Variants in IL1RAP observed in about 807,000 individuals in gnomAD.
IL1RAP encodes interleukin-1 receptor accessory protein.
IL1RAP carries 35 observed loss-of-function variants against 60.7 expected under a neutral mutation model. The observed-to-expected ratio is 0.58, with a 90% CI of 0.44 to 0.76. IL1RAP has a LOEUF of 0.76. Among genes scored for constraint, IL1RAP ranks in the 30% least tolerant of loss-of-function variants. The pLI, the probability that IL1RAP is intolerant of heterozygous loss-of-function variation, is 0.00. For missense variants in IL1RAP, 572 were observed against 693.9 expected, an observed-to-expected ratio of 0.82 and a Z score of 1.97; for synonymous variants, 268 against 250.9, an observed-to-expected ratio of 1.07 and a Z score of -0.64.
intron 7 of IL1RAP, among the ~76,000 whole-genome samples, chr3:190,626,516 G>T (rs1477968011): frequency 6.6e-6 from 1 of 152,070 alleles, no homozygotes; most frequent in Non-Finnish European, 1.5e-5. Flanking sequence ...TCCTCAGCCA[G>T]ATCTCTCTGT....
intron 9 of IL1RAP, among the ~76,000 whole-genome samples, chr3:190,637,363 T>C (rs940163187): frequency 6.6e-6 from 1 of 152,158 alleles, no homozygotes; most frequent in African/African-American, 2.4e-5. Flanking sequence ...ATTTCAAAAC[T>C]TTACTAAGAA....
chr3:190,523,366 T>A (rs1722246067), intron 1 of IL1RAP, among the ~76,000 whole-genome samples: 1 of 152,152 alleles, frequency 6.6e-6, no homozygotes, highest in South Asian at 2.1e-4. Flanking sequence ...AGTCTATTTT[T>A]AAAATTTAAC....
chr3:190,551,553 A>G (rs1011949310), intron 1 of IL1RAP, among the ~76,000 whole-genome samples: 5 of 152,236 alleles, frequency 3.3e-5, no homozygotes, highest in Admixed American at 2.6e-4. Flanking sequence ...CAATATTCCA[A>G]GTAAAAGTTG....
chr3:190,604,032 A>C lies in IL1RAP; in HGVS notation c.65-96A>C, dbSNP rs1392207896. 5 of 1,258,940 alleles carry C rather than the reference A, an allele frequency of 4.0e-6. No individual in the cohort carries two copies. In the African/African-American group the frequency reaches 6.0e-5, roughly 15 times the overall value. The allele number at this position is 1,258,940 out of a possible 1,614,324, so 78.0% of individuals were successfully genotyped here. A position where few individuals can be genotyped will look rare whatever the true frequency, so the allele number is the denominator to read the frequency against. ...AGATGACCAGAGAAAGAGGTTCTGG[A>C]AAAGACCGGGTGAACTGAGGAGAAG... On this transcript the variant is annotated intron_variant, in intron 3 of 11. Transcript: ENST00000447382.
intron 1 of IL1RAP, among the ~76,000 whole-genome samples, chr3:190,534,474 G>A (rs1250150530): frequency 1.3e-5 from 2 of 152,110 alleles, no homozygotes; most frequent in Non-Finnish European, 1.5e-5. Flanking sequence ...TTAGAGATCC[G>A]ATCCAGTGCT....
chr3:190,536,112 CT>C (rs1285271600), intron 1 of IL1RAP, among the ~76,000 whole-genome samples: 2 of 152,038 alleles, frequency 1.3e-5, no homozygotes, highest in Admixed American at 6.5e-5. Flanking sequence ...TGTTGGGTTT[CT>C]TTTCTTGTTG....
At chr3:190,656,637 TCTCTACCAACC>T in exon 12 of IL1RAP, 1 of 1,305,130 alleles carries the variant, frequency 7.7e-7, no homozygotes, top group Non-Finnish European at 1.0e-6. Flanking sequence ...GTGGCTACTA[TCTCTACCAACC>T]CTCTGTATGT....
At chr3:190,580,120 C>T (rs1727860968) in intron 3 of IL1RAP, among the ~76,000 whole-genome samples, 2 of 152,164 alleles carry the variant, frequency 1.3e-5, no homozygotes. Flanking sequence ...ATCAAGGTAA[C>T]TCTATGCTTA....
chr3:190,576,383 T>TACAC (rs34872356), intron 3 of IL1RAP, among the ~76,000 whole-genome samples: 230 of 151,408 alleles, frequency 1.5e-3, no homozygotes, highest in Middle Eastern at 6.8e-3. Context: ...TATATATATA[T>TACAC]ACACACACAC....
downstream of IL1RAP, chr3:190,656,453 G>A: frequency 6.5e-7 from 1 of 1,537,212 alleles, no homozygotes; most frequent in South Asian, 1.2e-5. Context: ...CAGCCCCAGT[G>A]GGAGACACAC....
intron 3 of IL1RAP, among the ~76,000 whole-genome samples, chr3:190,592,292 G>T (rs1295933101): frequency 6.6e-6 from 1 of 152,198 alleles, no homozygotes; most frequent in African/African-American, 2.4e-5. Flanking sequence ...CATTATGTGG[G>T]CTTCTATCCC....
intron 2 of IL1RAP, among the ~76,000 whole-genome samples, chr3:190,559,286 A>G (rs1292614090): frequency 6.6e-6 from 1 of 152,156 alleles, no homozygotes; most frequent in African/African-American, 2.4e-5. Context: ...TACTTAACGT[A>G]TCACCTGGCT....
chr3:190,552,329 A>G (rs1318023467), intron 1 of IL1RAP, among the ~76,000 whole-genome samples: 2 of 152,260 alleles, frequency 1.3e-5, no homozygotes, highest in African/African-American at 2.4e-5. Context: ...TCCTCAATTT[A>G]CAGAAAAACC....
intron 1 of IL1RAP, among the ~76,000 whole-genome samples, chr3:190,548,735 A>G (rs1429473502): frequency 6.6e-6 from 1 of 152,242 alleles, no homozygotes; most frequent in Non-Finnish European, 1.5e-5. Context: ...GACAAAGGCA[A>G]GATGAGAGAG....
exon 12 of IL1RAP, chr3:190,659,217 A>G (rs1734705117): frequency 6.6e-6 from 1 of 152,216 alleles, no homozygotes. Context: ...GAAGACAAAG[A>G]AATGAAAGAA....
At chr3:190,583,471 A>G (rs1429650297) in intron 3 of IL1RAP, among the ~76,000 whole-genome samples, 1 of 152,224 alleles carries the variant, frequency 6.6e-6, no homozygotes, top group East Asian at 1.9e-4. Context: ...TGCAAACAAT[A>G]CTCATGCCAC....
At chr3:190,533,986 A>G (rs2108543568) in intron 1 of IL1RAP, among the ~76,000 whole-genome samples, 1 of 150,578 alleles carries the variant, frequency 6.6e-6, no homozygotes, top group African/African-American at 2.4e-5. Context: ...CTTTTCTTTT[A>G]ATTGGCTTAC....
At chr3:190,523,900 G>A (rs1221837399) in intron 1 of IL1RAP, among the ~76,000 whole-genome samples, 1 of 152,144 alleles carries the variant, frequency 6.6e-6, no homozygotes, top group African/African-American at 2.4e-5. Context: ...AGATTGCTGG[G>A]TTGAGTGGTA....
chr3:190,532,731 CT>C (rs1723100042), intron 1 of IL1RAP, among the ~76,000 whole-genome samples: 2 of 152,146 alleles, frequency 1.3e-5, no homozygotes, highest in South Asian at 2.1e-4. Context: ...CCCATGGCCC[CT>C]ATCCAGTTTG....
Sources: gnomAD v4.1 joint callset for allele counts (sites outside exome capture counted in the v4.1 genomes callset) on GRCh38, gnomAD v4.1.1 for gene constraint, MANE v1.5 for transcripts, NCBI Gene and HGNC (gene_info 2026-07-23, HGNC 2026-07-21) for gene names.